ATP13A4: variants seen among roughly 807,000 people sequenced by gnomAD.
ATP13A4 encodes probable cation-transporting ATPase 13A4.
A neutral mutation model predicts 142.5 loss-of-function variants in ATP13A4; 114 were observed. The ratio of observed to expected loss-of-function variants is 0.80; its 90% confidence interval spans 0.69 to 0.93. ATP13A4 has a LOEUF of 0.93. Ranked by LOEUF, ATP13A4 falls within the 40% of genes least tolerant of loss-of-function variation. The probability of loss-of-function intolerance (pLI) is 0.00; values close to 1 mark genes in which losing one functional copy is unlikely to be tolerated. For missense variants in ATP13A4, 1,392 were observed against 1,454.0 expected, an observed-to-expected ratio of 0.96 and a Z score of 0.69; for synonymous variants, 488 against 514.8, an observed-to-expected ratio of 0.95 and a Z score of 0.70.
rs376232672 is a variant in ATP13A4 at position 193,488,857 on chromosome 3, A to G, written c.738+873T>C. Among the ~76,000 whole-genome samples the G allele has an allele frequency of 2.3e-4, 35 of 152,214 alleles. 1 individual carries two copies. The South Asian group carries it at 6.6e-3, about 29-fold the overall frequency. ...AGTTGATGGGAAGGCTCTTGAGGAG[A>G]GAAGAGAGGAGTCATTCATGGACTG... On this transcript the variant is annotated intron_variant, in intron 7 of 29. Coordinates refer to ENST00000342695, the MANE Select transcript of ATP13A4 (RefSeq NM_032279.4).
chr3:193,522,073 C>T lies in ATP13A4; in HGVS notation c.61-7202G>A, dbSNP rs1474147601. 3.3e-5 allele frequency among the ~76,000 whole-genome samples: 5 copies of T among 152,214 alleles called. No homozygotes were observed. The East Asian group carries it at 7.7e-4, about 23-fold the overall frequency. On this transcript the variant is annotated intron_variant, in intron 1 of 29. Transcript: ENST00000342695. The stretch of plus-strand genomic sequence containing the variant: ...AGAAAGTTAGTGACAGAGGCCACTG[C>T]CTACGGCCATTTCAGCTGAGCTGCA...
chr3:193,566,486 T>TA (rs1724137740), intron 2 of ATP13A4, among the ~76,000 whole-genome samples: 1 of 152,142 alleles, frequency 6.6e-6, no homozygotes, highest in Non-Finnish European at 1.5e-5. Flanking sequence ...GGAACCTTCT[T>TA]TGCTGGGGCC....
intron 2 of ATP13A4, among the ~76,000 whole-genome samples, chr3:193,570,357 T>C (rs1724232674): frequency 6.6e-6 from 1 of 152,216 alleles, no homozygotes; most frequent in Non-Finnish European, 1.5e-5. Context: ...ACATAATATA[T>C]GCCTAAATTG....
At chr3:193,443,930 A>C (rs1716799404) in intron 18 of ATP13A4, among the ~76,000 whole-genome samples, 1 of 152,208 alleles carries the variant, frequency 6.6e-6, no homozygotes, top group African/African-American at 2.4e-5. Flanking sequence ...AAATCGTTTT[A>C]GTGAACAGAC....
In ATP13A4 at chr3:193,466,192, C is replaced by A. The variant is rs898883278; in HGVS notation, c.1115-10G>T. The A allele has an allele frequency of 6.2e-7, 1 of 1,613,596 alleles. No homozygotes were observed. The highest frequency in any genetic ancestry group is 1.3e-5 in the African/African-American group (1 of 75,036). On this transcript the variant is annotated splice_polypyrimidine_tract_variant and intron_variant, in intron 10 of 29. Transcript: ENST00000342695. Reference sequence around the variant, plus strand: ...TTTGCAGTGTTGAATCCTGGAACAACAAACACACACCCCACACTCTCAGGA... The same window carrying A: ...TTTGCAGTGTTGAATCCTGGAACAAAAAACACACACCCCACACTCTCAGGA...
At chr3:193,550,268 AG>A (rs1723472906) in intron 1 of ATP13A4, among the ~76,000 whole-genome samples, 1 of 152,134 alleles carries the variant, frequency 6.6e-6, no homozygotes, top group East Asian at 1.9e-4. Flanking sequence ...ATAAGTATGA[AG>A]ATAGAGCAAA....
intron 1 of ATP13A4, among the ~76,000 whole-genome samples, chr3:193,529,241 G>A (rs1722184166): frequency 6.7e-6 from 1 of 150,368 alleles, no homozygotes; most frequent in Admixed American, 6.6e-5. Context: ...CTACAATCCA[G>A]ACTGGGAGAC....
Position 193,399,973 on chromosome 3 carries a change from C to T in ATP13A4, c.*2679G>A, listed in dbSNP as rs1184497272. 1.3e-5 allele frequency among the ~76,000 whole-genome samples: 2 copies of T among 151,900 alleles called. No homozygotes were observed. Among genetic ancestry groups the T allele is most frequent in the East Asian group, 3.9e-4 (2 of 5,166 alleles). ...ATACTTGACTTCCTTCTCTACTTGG[C>T]CCTTGAATAGCCACTTGTTCCTCCA... is the stretch of plus-strand genomic sequence containing the variant. On this transcript the variant is annotated 3_prime_UTR_variant, in exon 30 of 30. Transcript: ENST00000342695.
intron 25 of ATP13A4, among the ~76,000 whole-genome samples, chr3:193,432,960 C>T (rs1036502160): frequency 2.0e-5 from 3 of 152,084 alleles, no homozygotes; most frequent in Non-Finnish European, 4.4e-5. Context: ...GTAATGTAAA[C>T]GATGGACTTT....
At chr3:193,462,882 T>A in intron 12 of ATP13A4, 59 bp from the exon 13 acceptor site, 1 of 1,551,390 alleles carries the variant, frequency 6.4e-7, no homozygotes, top group East Asian at 2.2e-5. Flanking sequence ...CGGTGGCTCA[T>A]GCCTGTAATC....
At chr3:193,581,793 G>T (rs1250536709) in exon 2 of ATP13A4, 3 of 152,002 alleles carry the variant, frequency 2.0e-5, no homozygotes, top group Non-Finnish European at 4.4e-5. Flanking sequence ...AGCAAAATCT[G>T]GTTTTCTTAT....
At chr3:193,469,644 AT>A (rs1241202963) in intron 9 of ATP13A4, among the ~76,000 whole-genome samples, 1 of 152,176 alleles carries the variant, frequency 6.6e-6, no homozygotes, top group East Asian at 1.9e-4. Flanking sequence ...AAATAAAGAA[AT>A]TTAAAGAGTC....
intron 1 of ATP13A4, among the ~76,000 whole-genome samples, chr3:193,532,357 T>C (rs1722380134): frequency 6.7e-6 from 1 of 150,058 alleles, no homozygotes; most frequent in Admixed American, 6.7e-5. Context: ...GGTGAGAACA[T>C]GTCTTTTTCC....
At chr3:193,537,073 C>T (rs1290983682) in intron 1 of ATP13A4, among the ~76,000 whole-genome samples, 1 of 151,764 alleles carries the variant, frequency 6.6e-6, no homozygotes, top group Admixed American at 6.6e-5. Flanking sequence ...TATCAAAATC[C>T]CACTAAGATT....
intron 8 of ATP13A4, among the ~76,000 whole-genome samples, chr3:193,471,483 G>A (rs1718621482): frequency 6.6e-6 from 1 of 151,958 alleles, no homozygotes; most frequent in African/African-American, 2.4e-5. Context: ...GGTTGAGGTG[G>A]GAACATTGCT....
chr3:193,530,398 A>G (rs1487441024), intron 1 of ATP13A4, among the ~76,000 whole-genome samples: 4 of 152,178 alleles, frequency 2.6e-5, no homozygotes, highest in Non-Finnish European at 5.9e-5. Context: ...CTTCCTCTGT[A>G]TCTGAATCAC....
intron 1 of ATP13A4, among the ~76,000 whole-genome samples, chr3:193,516,082 T>C (rs924900814): frequency 6.6e-6 from 1 of 152,222 alleles, no homozygotes; most frequent in Non-Finnish European, 1.5e-5. Context: ...TGAAATTCTA[T>C]CCACCAGTTT....
intron 25 of ATP13A4, among the ~76,000 whole-genome samples, chr3:193,423,275 A>G (rs1441587532): frequency 2.0e-5 from 3 of 149,774 alleles, no homozygotes; most frequent in Non-Finnish European, 3.0e-5. Context: ...ACTGAATTCT[A>G]CCAAACATTT....
At chr3:193,498,935 C>T (rs1720391276) in intron 3 of ATP13A4, among the ~76,000 whole-genome samples, 1 of 152,188 alleles carries the variant, frequency 6.6e-6, no homozygotes. Flanking sequence ...GTGCTCAATA[C>T]ATTTTTTTAT....
Sources: gnomAD v4.1 joint callset for allele counts (sites outside exome capture counted in the v4.1 genomes callset) on GRCh38, gnomAD v4.1.1 for gene constraint, MANE v1.5 for transcripts, NCBI Gene and HGNC (gene_info 2026-07-23, HGNC 2026-07-21) for gene names.